SLA2: variants seen among roughly 807,000 people sequenced by gnomAD.
The protein encoded by SLA2 is src-like-adapter 2.
SLA2 carries 22 observed loss-of-function variants against 27.3 expected under a neutral mutation model. The observed-to-expected ratio is 0.81, with a 90% confidence interval of 0.58 to 1.15. The LOEUF (loss-of-function observed/expected upper bound fraction) is 1.15. SLA2 is among the 50% of genes most tolerant of loss of function. SLA2 has a pLI of 0.00. For missense variants in SLA2, 304 were observed against 322.2 expected (o/e 0.94, Z 0.43); for synonymous variants, 131 against 137.8 (o/e 0.95, Z 0.34).
chr20:36,636,621 AAAATAT>A (rs2039451334), intron 2 of SLA2, among the ~76,000 whole-genome samples: 1 of 125,708 alleles, frequency 8.0e-6, no homozygotes, highest in Middle Eastern at 4.0e-3. Context: ...GAAAAAAAAA[AAAATAT>A]ATATATATAT....
intron 7 of SLA2, 54 bp downstream of exon 7, chr20:36,614,251 G>A: frequency 6.2e-7 from 1 of 1,613,586 alleles, no homozygotes; most frequent in Admixed American, 1.7e-5. Flanking sequence ...CCCAGGGGTG[G>A]GTCCTTCTAA....
chr20:36,636,087 G>A (rs2039441713), intron 2 of SLA2, among the ~76,000 whole-genome samples: 1 of 152,048 alleles, frequency 6.6e-6, no homozygotes, highest in East Asian at 1.9e-4. Context: ...TGTGTCCCCA[G>A]GTCCTGTCAC....
At chr20:36,618,964 G>T (rs1361803204) in intron 5 of SLA2, among the ~76,000 whole-genome samples, 1 of 140,516 alleles carries the variant, frequency 7.1e-6, no homozygotes, top group Admixed American at 7.4e-5. Flanking sequence ...GGTGGCTCAC[G>T]CCTGTAATCC....
In SLA2 at chr20:36,612,464, C is replaced by T. The variant is rs766609435; in HGVS notation, c.*1402G>A. On this transcript the variant is annotated 3_prime_UTR_variant, in exon 8 of 8. Coordinates refer to ENST00000262866, the MANE Select transcript of SLA2 (RefSeq NM_032214.4). ...TTCTGAAACAGCATGGCTGTATGTG[C>T]GTGGTCCATAGCACAGTACATGCAG... The T allele has an allele frequency of 5.1e-5, 29 of 565,496 alleles. No homozygotes were observed. Among genetic ancestry groups the T allele is most frequent in the Middle Eastern group, 9.6e-4 (2 of 2,092 alleles). The allele number at this position is 565,496 out of a possible 1,614,324, so 35.0% of individuals were successfully genotyped here.
intron 5 of SLA2, among the ~76,000 whole-genome samples, chr20:36,630,590 C>T (rs1245798740): frequency 5.9e-5 from 9 of 152,156 alleles, no homozygotes; most frequent in African/African-American, 2.2e-4. Flanking sequence ...GCTGTGTTTC[C>T]CCAGGCAAAT....
At chr20:36,629,160 T>C (rs1387609005) in intron 5 of SLA2, among the ~76,000 whole-genome samples, 1 of 151,720 alleles carries the variant, frequency 6.6e-6, no homozygotes, top group African/African-American at 2.4e-5. Context: ...ACCTCCAGGT[T>C]CAAGCAATTC....
intron 2 of SLA2, among the ~76,000 whole-genome samples, chr20:36,637,417 G>A (rs750928814): frequency 4.0e-5 from 6 of 151,234 alleles, no homozygotes; most frequent in Admixed American, 2.0e-4. Context: ...GGCTGGTCTC[G>A]AACTCCTGAC....
In SLA2 at chr20:36,613,773, T is replaced by G; in HGVS notation, c.*93A>C. ...ACCTCTGTGTCCCACCCTCCCTCCCTGAGTGCACAGCCTTGCCTCTGGGGT... is the reference window on the plus strand; with the variant it reads ...ACCTCTGTGTCCCACCCTCCCTCCCGGAGTGCACAGCCTTGCCTCTGGGGT... On this transcript the variant is annotated 3_prime_UTR_variant, in exon 8 of 8. Transcript: ENST00000262866. 3.2e-5 allele frequency: 11 copies of G among 345,434 alleles called. No homozygotes were observed. The highest frequency in any genetic ancestry group is 7.3e-5 in the East Asian group (1 of 13,740). 21.4% of individuals were successfully genotyped at this position (345,434 alleles called of 1,614,324 possible).
intron 1 of SLA2, among the ~76,000 whole-genome samples, 183 bp from the exon 2 acceptor site, chr20:36,641,561 T>C (rs1002052317): frequency 4.6e-5 from 7 of 152,130 alleles, no homozygotes; most frequent in African/African-American, 1.7e-4. Flanking sequence ...GACGCTGTTT[T>C]CTCCACATCT....
intron 2 of SLA2, among the ~76,000 whole-genome samples, chr20:36,638,184 G>C (rs1324470349): frequency 2.0e-5 from 3 of 151,872 alleles, no homozygotes; most frequent in African/African-American, 7.3e-5. Flanking sequence ...CGCCTGGCCT[G>C]AAGTTTGCTT....
Position 36,634,524 on chromosome 20 carries a change from G to A in SLA2, c.157C>T (p.Leu53=), listed in dbSNP as rs749029877. The change falls in exon 3 of 8, where the codon CTG becomes TTG. Residue 53 remains leucine, a synonymous_variant. Coordinates refer to ENST00000262866, the MANE Select transcript of SLA2 (RefSeq NM_032214.4). ...FPAGGPAELS[L]RLGEPLTIVS... ...ATGGTCAATGGCTCCCCGAGTCTCA[G>A]CGACAGCTCGGCCGGGCCACCTGCC... 6.2e-7 allele frequency: 1 copy of A among 1,611,510 alleles called. No homozygotes were observed.
chr20:36,615,156 A>G lies in SLA2; in HGVS notation c.532+69T>C, dbSNP rs1212956112. The G allele has an allele frequency of 3.1e-6, 5 of 1,606,782 alleles. No homozygotes were observed. In the South Asian group the frequency reaches 3.3e-5, roughly 11 times the overall value. ...TACTCCACAGTAGGTAAAATATCCA[A>G]GGGCACCACTGCCTGCTCCTCCCCA... On this transcript the variant is annotated intron_variant, in intron 6 of 7. Transcript: ENST00000262866.
chr20:36,613,713 G>A lies in SLA2; in HGVS notation c.*153C>T. On this transcript the variant is annotated 3_prime_UTR_variant, in exon 8 of 8. Coordinates refer to ENST00000262866, the MANE Select transcript of SLA2 (RefSeq NM_032214.4). ...TAGGTGACTTCTAAGGGCTAAGAGA[G>A]GAAAGAGCAAGGGTACAGGTGGGAC... 1 of 911,148 alleles carries A rather than the reference G, an allele frequency of 1.1e-6. No homozygotes were observed. The highest frequency in any genetic ancestry group is 1.6e-6 in the Non-Finnish European group (1 of 616,362). 56.4% of individuals were successfully genotyped at this position (911,148 alleles called of 1,614,324 possible).
At chr20:36,615,144 G>A (rs1184632190) in intron 6 of SLA2, 81 bp downstream of exon 6, 2 of 1,597,450 alleles carry the variant, frequency 1.3e-6, no homozygotes, top group Non-Finnish European at 1.7e-6. Context: ...TCCACAGTAG[G>A]TAAAATATCC....
At chr20:36,624,576 CTATT>C (rs1336704075) in intron 5 of SLA2, among the ~76,000 whole-genome samples, 6 of 152,196 alleles carry the variant, frequency 3.9e-5, no homozygotes, top group Non-Finnish European at 8.8e-5. Flanking sequence ...CACACAGTAT[CTATT>C]TGTTGAATGA....
rs761545666 is a variant in SLA2, at chr20:36,632,702, G to A, written c.279-4C>T. On this transcript the variant is annotated splice_polypyrimidine_tract_variant and splice_region_variant and intron_variant, in intron 4 of 7. Transcript: ENST00000262866. The stretch of plus-strand genomic sequence containing the variant: ...GCTCAGGCCCTCATACAGCCACCTG[G>A]CGGAGCGAAAGAGAGGGACAAGGGA... 4.3e-6 allele frequency: 7 copies of A among 1,612,908 alleles called. No individual in the cohort carries two copies. In the South Asian group the frequency reaches 7.7e-5, roughly 18 times the overall value.
chr20:36,641,442 C>T (rs2039505997), intron 1 of SLA2, 64 bp from the exon 2 acceptor site: 1 of 913,266 alleles, frequency 1.1e-6, no homozygotes, highest in African/African-American at 1.6e-5. Flanking sequence ...ATACCTCTCC[C>T]TCCCCAGATC....
rs1186303481 is a variant in SLA2 at position 36,632,578 on chromosome 20, G to A, written c.382+17C>T. On this transcript the variant is annotated intron_variant, in intron 5 of 7. Transcript: ENST00000262866. ...CTCCACGTAGGGAGGGCCTGGGCTG[G>A]CACCGAGCTTACTCACCTCTCCTGG... The A allele has an allele frequency of 6.2e-7, 1 of 1,601,390 alleles. No homozygotes were observed. Among genetic ancestry groups the A allele is most frequent in the Admixed American group, 1.7e-5 (1 of 59,954 alleles).
intron 1 of SLA2, among the ~76,000 whole-genome samples, chr20:36,645,494 A>G (rs984678076): frequency 6.6e-6 from 1 of 152,164 alleles, no homozygotes; most frequent in African/African-American, 2.4e-5. Context: ...GAGAGATGGT[A>G]GCCCTCACGT....
Sources: gnomAD v4.1 joint callset for allele counts (sites outside exome capture counted in the v4.1 genomes callset) on GRCh38, gnomAD v4.1.1 for gene constraint, MANE v1.5 for transcripts, NCBI Gene and HGNC (gene_info 2026-07-23, HGNC 2026-07-21) for gene names.